Variants in DCUN1D2 observed in about 807,000 individuals in gnomAD.
DCUN1D2 encodes the protein defective in cullin neddylation 1 domain containing 2, also known as DCN1-like protein 2.
Under a neutral mutation model 30.9 loss-of-function variants are expected in DCUN1D2, and 29 were observed. The observed-to-expected ratio is 0.94, with a 90% CI of 0.70 to 1.28. The LOEUF (loss-of-function observed/expected upper bound fraction) is 1.28, where lower values mean the gene tolerates loss of function less well. Ranked by LOEUF, DCUN1D2 falls within the 50% of genes most tolerant of loss-of-function variation. The pLI, the probability that DCUN1D2 is intolerant of heterozygous loss-of-function variation, is 0.00. For missense variants in DCUN1D2, 325 were observed against 316.9 expected (o/e 1.03, Z -0.19); for synonymous variants, 121 against 115.3 (o/e 1.05, Z -0.32).
chr13:113,476,092 T>C (rs1386951863), intron 3 of DCUN1D2: 1 of 152,254 alleles, frequency 6.6e-6, no homozygotes, highest in Non-Finnish European at 1.5e-5. Flanking sequence ...GAATTCTTGT[T>C]ATATACATAT....
chr13:113,459,920 G>A (rs1208983740), intron 5 of DCUN1D2, among the ~76,000 whole-genome samples: 4 of 152,128 alleles, frequency 2.6e-5, no homozygotes, highest in Non-Finnish European at 5.9e-5. Context: ...TTTTTAGTCC[G>A]TTCTCCTGTG....
chr13:113,481,658 T>C (rs901676829), intron 2 of DCUN1D2, among the ~76,000 whole-genome samples: 3 of 151,574 alleles, frequency 2.0e-5, no homozygotes, highest in Non-Finnish European at 4.4e-5. Context: ...CCGAGGCGGG[T>C]GGATCACCTG....
chr13:113,490,349 A>G lies in DCUN1D2; in HGVS notation c.3+318T>C. 1 of 264,208 alleles carries G rather than the reference A, an allele frequency of 3.8e-6. No homozygotes were observed. 16.4% of individuals were successfully genotyped at this position (264,208 alleles called of 1,614,324 possible). On this transcript the variant is annotated intron_variant, in intron 1 of 6. Transcript: ENST00000478244. The surrounding 1 kb of genome is among the most constrained non-coding windows in gnomAD (Gnocchi z 5.2). ...CTGCCCGTTTCGAAGCCGCCCTGGG[A>G]AGCCCCCGGCCTGGGTTCCCGCTCG... is the stretch of plus-strand genomic sequence containing the variant.
intron 3 of DCUN1D2, among the ~76,000 whole-genome samples, chr13:113,477,639 C>T (rs2257460): frequency 0.27 from 41,158 of 151,590 alleles, 7,026 homozygotes; most frequent in African/African-American, 0.48. Flanking sequence ...TAATGTTTTC[C>T]ATAGGAATTT....
chr13:113,456,088 G>GAT lies in DCUN1D2; in HGVS notation c.*1939_*1940dup, dbSNP rs2044221396. ...TGTCAAGAATCCATGAAGCCTGGAA[G>GAT]ATACGCTCACGTTTTTGAGGTTTGT... On this transcript the variant is annotated 3_prime_UTR_variant, in exon 7 of 7. Coordinates refer to ENST00000478244, the MANE Select transcript of DCUN1D2 (RefSeq NM_001014283.2). 4 of 397,542 alleles carry GAT rather than the reference G, an allele frequency of 1.0e-5. No individual in the cohort carries two copies. The South Asian group carries it at 5.6e-4, about 56-fold the overall frequency. The allele number at this position is 397,542 out of a possible 1,614,324, so 24.6% of individuals were successfully genotyped here.
At position 113,484,333 on chromosome 13, in the gene DCUN1D2, T is replaced by G. The variant is rs113896358; in HGVS notation, c.4-277A>C. ...CTCTGCATGAAGTGTGACTATCATT[T>G]TTCTCTAAAACTCTCAGTAACTCTG... is the stretch of plus-strand genomic sequence containing the variant. On this transcript the variant is annotated intron_variant, in intron 1 of 6. Coordinates refer to ENST00000478244, the MANE Select transcript of DCUN1D2 (RefSeq NM_001014283.2). 9.6e-4 allele frequency: 536 copies of G among 557,202 alleles called. 3 individuals are homozygous for G. The highest frequency in any genetic ancestry group is 9.4e-3 in the African/African-American group (491 of 51,968). 34.5% of individuals were successfully genotyped at this position (557,202 alleles called of 1,614,324 possible). A position where few individuals can be genotyped will look rare whatever the true frequency, so the allele number is the denominator to read the frequency against.
chr13:113,468,253 T>TTA (rs1223459163), intron 4 of DCUN1D2, among the ~76,000 whole-genome samples: 1 of 151,982 alleles, frequency 6.6e-6, no homozygotes, highest in East Asian at 1.9e-4. Context: ...CAACAAAACA[T>TTA]TATACCAAGC....
intron 3 of DCUN1D2, among the ~76,000 whole-genome samples, chr13:113,476,343 T>C (rs934442518): frequency 7.2e-5 from 11 of 152,196 alleles, no homozygotes; most frequent in Non-Finnish European, 2.9e-5. Flanking sequence ...TTTGCTATCG[T>C]GTCTTATTTT....
intron 4 of DCUN1D2, among the ~76,000 whole-genome samples, chr13:113,471,132 CT>C (rs2044504929): frequency 6.6e-6 from 1 of 151,082 alleles, no homozygotes; most frequent in African/African-American, 2.4e-5. Flanking sequence ...GGGGACCCAA[CT>C]CCACAGAAGA....
intron 4 of DCUN1D2, among the ~76,000 whole-genome samples, chr13:113,466,716 C>T (rs2044408465): frequency 1.3e-5 from 2 of 151,488 alleles, no homozygotes; most frequent in Admixed American, 6.6e-5. Context: ...AGGCTTTTCT[C>T]TAGCTGGTTA....
In DCUN1D2 at chr13:113,480,623, T is replaced by G. The variant is rs757752249; in HGVS notation, c.341A>C (p.Gln114Pro). 1 of 1,614,154 alleles carries G rather than the reference T, an allele frequency of 6.2e-7. No homozygotes were observed. The highest frequency in any genetic ancestry group is 1.1e-5 in the South Asian group (1 of 91,084). ...AAATTCCTTTCTGCTAAATTCACAC[T>G]GAGTTGCTGCCCTGAACTTCCACGC... ...VIAWKFRAAT[Q>P]CEFSRKEFLD... Residue 114 changes from glutamine to proline, a missense_variant, in exon 3 of 7, where the codon CAG becomes CCG. Coordinates refer to ENST00000478244, the MANE Select transcript of DCUN1D2 (RefSeq NM_001014283.2).
At chr13:113,476,052 G>A (rs994065092) in intron 3 of DCUN1D2, 1 of 152,220 alleles carries the variant, frequency 6.6e-6, no homozygotes. Context: ...GGTATGCATG[G>A]CTCCAGCTGC....
intron 6 of DCUN1D2, 54 bp from the exon 7 acceptor site, chr13:113,458,162 A>C: frequency 7.0e-7 from 1 of 1,419,932 alleles, no homozygotes; most frequent in Non-Finnish European, 1.0e-6. Flanking sequence ...TTTATCTCCA[A>C]AGCACTGAGT....
intron 2 of DCUN1D2, among the ~76,000 whole-genome samples, chr13:113,481,435 G>A (rs965897913): frequency 4.6e-5 from 7 of 152,206 alleles, no homozygotes; most frequent in Non-Finnish European, 4.4e-5. Context: ...TTATCATAAT[G>A]CGTAGGTAAA....
At chr13:113,464,663 C>T (rs1032810511) in intron 4 of DCUN1D2, among the ~76,000 whole-genome samples, 3 of 152,368 alleles carry the variant, frequency 2.0e-5, no homozygotes, top group African/African-American at 4.8e-5. Flanking sequence ...CAAGCCACCA[C>T]GCTGCAAGGA....
intron 4 of DCUN1D2, among the ~76,000 whole-genome samples, chr13:113,471,058 AC>A (rs2044502655): frequency 6.7e-6 from 1 of 148,886 alleles, no homozygotes; most frequent in Non-Finnish European, 1.5e-5. Flanking sequence ...TCCACAGAGG[AC>A]CCAACTCCAC....
chr13:113,464,867 C>A (rs2044376284), intron 4 of DCUN1D2, among the ~76,000 whole-genome samples: 1 of 152,236 alleles, frequency 6.6e-6, no homozygotes, highest in East Asian at 1.9e-4. Context: ...AGGCAGCCGG[C>A]CTGGCTGAAG....
chr13:113,460,489 C>T (rs898203125), intron 5 of DCUN1D2, among the ~76,000 whole-genome samples: 7 of 152,256 alleles, frequency 4.6e-5, no homozygotes, highest in African/African-American at 1.2e-4. Flanking sequence ...GCCAGCAAGA[C>T]GGGCTGGCAT....
intron 4 of DCUN1D2, chr13:113,462,753 A>G (rs1339809777): frequency 3.8e-6 from 4 of 1,050,724 alleles, no homozygotes; most frequent in Admixed American, 1.1e-4. Flanking sequence ...TGGGACCCGC[A>G]GTAAAATGCT....
Sources: gnomAD v4.1 joint callset for allele counts (sites outside exome capture counted in the v4.1 genomes callset) on GRCh38, gnomAD v4.1.1 for gene constraint, Gnocchi (gnomAD v3.1) non-coding constraint, MANE v1.5 for transcripts, NCBI Gene and HGNC (gene_info 2026-07-23, HGNC 2026-07-21) for gene names.